Variants in ARL5B observed in about 807,000 individuals in gnomAD.
ARL5B encodes ARF like GTPase 5B.
Under a neutral mutation model 26.9 loss-of-function variants are expected in ARL5B, and 10 were observed. That is an observed-to-expected ratio of 0.37 (90% CI 0.23 to 0.63). The LOEUF is 0.63. ARL5B is among the 30% of genes least tolerant of loss of function. The pLI is 0.62. For synonymous variants in ARL5B, 87 were observed against 70.4 expected (o/e 1.24, Z -1.18); for missense variants, 167 against 213.9 (o/e 0.78, Z 1.37).
chr10:18,663,847 C>T (rs1025000760), intron 1 of ARL5B, among the ~76,000 whole-genome samples: 2 of 152,012 alleles, frequency 1.3e-5, no homozygotes, highest in Non-Finnish European at 2.9e-5. Flanking sequence ...TGCGCCCGGC[C>T]CCAGCTTATT....
intron 1 of ARL5B, among the ~76,000 whole-genome samples, chr10:18,662,705 TG>T (rs1229844804): frequency 1.3e-5 from 2 of 151,508 alleles, no homozygotes; most frequent in South Asian, 2.1e-4. Context: ...GTTGTTTGTT[TG>T]TTTTTTTTTT....
Position 18,676,414 on chromosome 10 carries a change from CTTAAAA to C in ARL5B, c.*1205_*1210del, listed in dbSNP as rs963780799. 2.4e-4 allele frequency: 37 copies of C among 152,002 alleles called. No homozygotes were observed. The highest frequency in any genetic ancestry group is 7.2e-4 in the Admixed American group (11 of 15,262). The allele number at this position is 152,002 out of a possible 1,614,324, so 9.4% of individuals were successfully genotyped here. On this transcript the variant is annotated 3_prime_UTR_variant, in exon 6 of 6. Coordinates refer to ENST00000377275, the MANE Select transcript of ARL5B (RefSeq NM_178815.5). ...GACTCAAAGTTAATATTCTTAACAACTTAAAATTAAAAAAAGTCATAATCTATCAAA... is the reference window on the plus strand; with the variant it reads ...GACTCAAAGTTAATATTCTTAACAACTTAAAAAAAGTCATAATCTATCAAA...
chr10:18,659,681 A>T lies in ARL5B; in HGVS notation c.44A>T (p.Gln15Leu). Reference sequence around the variant, plus strand: ...AAACTGTGGAGCCTCTTCTGTAACCAAGGTGAGAAGAATGGAGCTGCGCGG... The same window carrying T: ...AAACTGTGGAGCCTCTTCTGTAACCTAGGTGAGAAGAATGGAGCTGCGCGG... The part of the protein sequence containing the change: ...FAKLWSLFCN[Q>L]EHKVIIVGLD... The change falls in exon 1 of 6, where the codon CAA (glutamine) becomes CTA (leucine). Residue 15 changes from glutamine (Q) to leucine (L), a missense_variant and splice_region_variant. Transcript: ENST00000377275. 1 of 1,612,798 alleles carries T rather than the reference A, an allele frequency of 6.2e-7. No individual in the cohort carries two copies. The highest frequency in any genetic ancestry group is 8.5e-7 in the Non-Finnish European group (1 of 1,179,552).
At position 18,678,045 on chromosome 10, in the gene ARL5B, A is replaced by T. The variant is rs1379596404; in HGVS notation, c.*2829A>T. ...AGCGTGTCATGTCCTTCATCTTTAA[A>T]CCCATCATTCTTATTGAAGCCCATT... On this transcript the variant is annotated 3_prime_UTR_variant, in exon 6 of 6. Coordinates refer to ENST00000377275, the MANE Select transcript of ARL5B (RefSeq NM_178815.5). 6.6e-6 allele frequency: 1 copy of T among 151,724 alleles called. No individual in the cohort carries two copies. Among genetic ancestry groups the T allele is most frequent in the Non-Finnish European group, 1.5e-5 (1 of 67,734 alleles). The allele number at this position is 151,724 out of a possible 1,614,324, so 9.4% of individuals were successfully genotyped here.
chr10:18,663,183 A>G (rs1273194371), intron 1 of ARL5B, among the ~76,000 whole-genome samples: 1 of 151,032 alleles, frequency 6.6e-6, no homozygotes, highest in Non-Finnish European at 1.5e-5. Flanking sequence ...TAATTTTCGT[A>G]TTTGTAGTAG....
chr10:18,672,608 T>C lies in ARL5B; in HGVS notation c.256-14T>C. On this transcript the variant is annotated splice_polypyrimidine_tract_variant and intron_variant, in intron 3 of 5. Coordinates refer to ENST00000377275, the MANE Select transcript of ARL5B (RefSeq NM_178815.5). The stretch of plus-strand genomic sequence containing the variant: ...CCATTCAATTTTCTGTCTTTCCTTT[T>C]AATTTTCTTCTAGTTCATCATTCTT... The C allele has an allele frequency of 6.3e-7, 1 of 1,594,316 alleles. No homozygotes were observed. The highest frequency in any genetic ancestry group is 8.6e-7 in the Non-Finnish European group (1 of 1,169,382).
Position 18,674,102 on chromosome 10 carries a change from AC to A in ARL5B, c.459del (p.His153GlnfsTer17). The stretch of plus-strand genomic sequence containing the variant: ...AGTTCAATTAAGGATCATCCATGGC[AC>A]ATTCAATCCTGCTGTGCTCTCACAG... ...TLSSIKDHPW[H>X]IQSCCALTGE... On this transcript the variant is annotated frameshift_variant, in exon 5 of 6. Transcript: ENST00000377275. LOFTEE classifies it high-confidence loss of function. The A allele has an allele frequency of 6.2e-7, 1 of 1,612,440 alleles. No individual in the cohort carries two copies. Among genetic ancestry groups the A allele is most frequent in the South Asian group, 1.1e-5 (1 of 90,944 alleles).
chr10:18,668,198 G>A (rs2059870032), intron 2 of ARL5B, among the ~76,000 whole-genome samples: 1 of 151,978 alleles, frequency 6.6e-6, no homozygotes, highest in Non-Finnish European at 1.5e-5. Context: ...GGATGGCATG[G>A]GACATTGGGT....
At chr10:18,673,895 A>G (rs971763157) in intron 4 of ARL5B, 89 bp from the exon 5 acceptor site, 10 of 1,228,348 alleles carry the variant, frequency 8.1e-6, no homozygotes, top group Non-Finnish European at 1.1e-5. Flanking sequence ...CGATTATGTT[A>G]AAGTAGAAGC....
At position 18,675,159 on chromosome 10, in the gene ARL5B, T is replaced by G. The variant is rs779863825; in HGVS notation, c.492-9T>G. 1 of 1,611,644 alleles carries G rather than the reference T, an allele frequency of 6.2e-7. No individual in the cohort carries two copies. Among genetic ancestry groups the G allele is most frequent in the East Asian group, 2.2e-5 (1 of 44,828 alleles). On this transcript the variant is annotated splice_polypyrimidine_tract_variant and intron_variant, in intron 5 of 5. Coordinates refer to ENST00000377275, the MANE Select transcript of ARL5B (RefSeq NM_178815.5). ...TTTTTAATTAAAAATACTTCTATCT[T>G]TTGTTTAGGTTATGCCAAGGTCTAG... is the stretch of plus-strand genomic sequence containing the variant.
At chr10:18,671,259 G>A (rs754395604) in intron 3 of ARL5B, among the ~76,000 whole-genome samples, 84 of 151,462 alleles carry the variant, frequency 5.5e-4, no homozygotes, top group Non-Finnish European at 1.0e-3. Context: ...TGCAGCCTCC[G>A]CCTCCCAGGT....
rs950573114 is a variant in ARL5B at position 18,680,818 on chromosome 10, C to G, written c.*5602C>G. ...AACAACAAAAACCTAACAGCAATTACAACCTTGGTGTTGCGTTTATTCTAA... is the reference window on the plus strand; with the variant it reads ...AACAACAAAAACCTAACAGCAATTAGAACCTTGGTGTTGCGTTTATTCTAA... On this transcript the variant is annotated 3_prime_UTR_variant, in exon 6 of 6. Transcript: ENST00000377275. 6.6e-6 allele frequency: 1 copy of G among 152,046 alleles called. No homozygotes were observed. Among genetic ancestry groups the G allele is most frequent in the African/African-American group, 2.4e-5 (1 of 41,396 alleles). 9.4% of individuals were successfully genotyped at this position (152,046 alleles called of 1,614,324 possible). A position where few individuals can be genotyped will look rare whatever the true frequency, so the allele number is the denominator to read the frequency against.
At chr10:18,661,680 T>G (rs2059837509) in intron 1 of ARL5B, among the ~76,000 whole-genome samples, 1 of 152,224 alleles carries the variant, frequency 6.6e-6, no homozygotes, top group African/African-American at 2.4e-5. Context: ...TGGTAAATTA[T>G]TTAACAGATA....
chr10:18,669,082 C>CT (rs1440092976), intron 3 of ARL5B, among the ~76,000 whole-genome samples: 1 of 151,876 alleles, frequency 6.6e-6, no homozygotes, highest in Admixed American at 6.6e-5. Context: ...TAATAAGATC[C>CT]TTTTTTGTAG....
At chr10:18,662,604 T>C (rs2059841946) in intron 1 of ARL5B, among the ~76,000 whole-genome samples, 1 of 152,168 alleles carries the variant, frequency 6.6e-6, no homozygotes, top group South Asian at 2.1e-4. Context: ...TTTTGCATTG[T>C]TTTTTAAATT....
Position 18,680,482 on chromosome 10 carries a change from T to G in ARL5B, c.*5266T>G, listed in dbSNP as rs964563301. ...TATATTTCCATCAGTGTTGGTAAGA[T>G]ATCAAATGACTATCAGTTGATCCCA... is the stretch of plus-strand genomic sequence containing the variant. On this transcript the variant is annotated 3_prime_UTR_variant, in exon 6 of 6. Transcript: ENST00000377275. 2.0e-5 allele frequency: 3 copies of G among 152,108 alleles called. No homozygotes were observed. Among genetic ancestry groups the G allele is most frequent in the Non-Finnish European group, 2.9e-5 (2 of 67,962 alleles). The allele number at this position is 152,108 out of a possible 1,614,324, so 9.4% of individuals were successfully genotyped here.
chr10:18,678,552 A>G lies in ARL5B; in HGVS notation c.*3336A>G, dbSNP rs2059919751. 6.6e-6 allele frequency: 1 copy of G among 151,880 alleles called. No homozygotes were observed. Among genetic ancestry groups the G allele is most frequent in the Non-Finnish European group, 1.5e-5 (1 of 67,798 alleles). 9.4% of individuals were successfully genotyped at this position (151,880 alleles called of 1,614,324 possible). A position where few individuals can be genotyped will look rare whatever the true frequency, so the allele number is the denominator to read the frequency against. ...AATTATAAACATAATCATTCTGAAT[A>G]ATCAATTTTTATTTAGTCCTTAACT... On this transcript the variant is annotated 3_prime_UTR_variant, in exon 6 of 6. Coordinates refer to ENST00000377275, the MANE Select transcript of ARL5B (RefSeq NM_178815.5).
intron 1 of ARL5B, among the ~76,000 whole-genome samples, chr10:18,661,395 A>G (rs2059835806): frequency 6.6e-6 from 1 of 152,204 alleles, no homozygotes; most frequent in South Asian, 2.1e-4. Flanking sequence ...GATGGTGATG[A>G]AAGACATCCA....
chr10:18,666,644 G>GT lies in ARL5B; in HGVS notation c.107+9_107+10insT. 1 of 1,598,008 alleles carries GT rather than the reference G, an allele frequency of 6.3e-7. No homozygotes were observed. The highest frequency in any genetic ancestry group is 8.6e-7 in the Non-Finnish European group (1 of 1,169,294). On this transcript the variant is annotated intron_variant, in intron 2 of 5. Coordinates refer to ENST00000377275, the MANE Select transcript of ARL5B (RefSeq NM_178815.5). Reference sequence around the variant, plus strand: ...ACCATTCTTTACCAATTGTAAGTATGGGTGTTTATTAAACAGTTTTCACTA... The same window carrying GT: ...ACCATTCTTTACCAATTGTAAGTATGTGGTGTTTATTAAACAGTTTTCACTA...
Sources: allele counts gnomAD v4.1 joint callset (sites outside exome capture counted in the v4.1 genomes callset), GRCh38; gene constraint gnomAD v4.1.1; transcripts MANE v1.5; gene names NCBI Gene and HGNC (gene_info 2026-07-23, HGNC 2026-07-21).